The following CDH10 variants were observed in gnomAD, a reference collection of about 807,000 sequenced individuals.
CDH10 encodes the protein cadherin-10.
CDH10 carries 30 observed loss-of-function variants against 73.1 expected under a neutral mutation model. That is an observed-to-expected ratio of 0.41 (90% confidence interval 0.31 to 0.56). The LOEUF (loss-of-function observed/expected upper bound fraction) is 0.56. Ranked by LOEUF, CDH10 falls within the 20% of genes least tolerant of loss-of-function variation. The pLI is 0.27. For synonymous variants in CDH10, 345 were observed against 348.2 expected (o/e 0.99, Z 0.10); for missense variants, 815 against 973.7 (o/e 0.84, Z 2.17).
At chr5:24,613,739 T>C (rs1157627537) in intron 1 of CDH10, among the ~76,000 whole-genome samples, 2 of 152,094 alleles carry the variant, frequency 1.3e-5, no homozygotes, top group Non-Finnish European at 2.9e-5. Flanking sequence ...CATGAACATA[T>C]ATTCTGTGGT....
rs561560825 is a variant in CDH10, at chr5:24,610,904, T to C, written c.-123-17291A>G. ...TCACTGAAGGCTACAAGGTACAATA[T>C]GTAGTGAGGCTCAGCAATCAGTATT... is the stretch of plus-strand genomic sequence containing the variant. On this transcript the variant is annotated intron_variant, in intron 1 of 11. Coordinates refer to ENST00000264463, the MANE Select transcript of CDH10 (RefSeq NM_006727.5). Among the ~76,000 whole-genome samples the C allele has an allele frequency of 1.4e-4, 21 of 152,284 alleles. No individual in the cohort carries two copies. The South Asian group carries it at 4.4e-3, about 32-fold the overall frequency.
At chr5:24,544,944 G>A (rs1458898186) in intron 2 of CDH10, among the ~76,000 whole-genome samples, 5 of 152,000 alleles carry the variant, frequency 3.3e-5, no homozygotes, top group African/African-American at 1.2e-4. Context: ...TACTTCCAAG[G>A]CCAGAAATTT....
intron 2 of CDH10, among the ~76,000 whole-genome samples, chr5:24,559,101 G>A (rs1744867885): frequency 7.1e-6 from 1 of 140,130 alleles, no homozygotes; most frequent in Non-Finnish European, 1.5e-5. Context: ...ATAGACATTG[G>A]ATCCCTTATT....
At chr5:24,643,632 G>A (rs1403681000) in intron 1 of CDH10, among the ~76,000 whole-genome samples, 1 of 152,076 alleles carries the variant, frequency 6.6e-6, no homozygotes, top group Non-Finnish European at 1.5e-5. Context: ...ATGAAGGAAT[G>A]AAGGACCACA....
chr5:24,557,331 T>A (rs1304619657), intron 2 of CDH10, among the ~76,000 whole-genome samples: 2 of 151,698 alleles, frequency 1.3e-5, no homozygotes, highest in African/African-American at 2.4e-5. Context: ...AAAGGTGTGA[T>A]TTTTTTCTTT....
intron 2 of CDH10, among the ~76,000 whole-genome samples, chr5:24,549,550 A>T (rs1291252482): frequency 1.1e-5 from 1 of 88,402 alleles, no homozygotes; most frequent in Non-Finnish European, 2.6e-5. Context: ...CAATGGAATG[A>T]CTTTTTTTTT....
intron 2 of CDH10, among the ~76,000 whole-genome samples, chr5:24,564,249 T>C (rs1236898424): frequency 1.3e-5 from 2 of 152,232 alleles, no homozygotes; most frequent in Non-Finnish European, 2.9e-5. Flanking sequence ...TTTGTTGTTG[T>C]TGAGATAGCT....
chr5:24,577,286 A>G (rs1388103080), intron 2 of CDH10, among the ~76,000 whole-genome samples: 1 of 152,140 alleles, frequency 6.6e-6, no homozygotes, highest in Non-Finnish European at 1.5e-5. Context: ...GTACTAAAGT[A>G]ACTGAAAATG....
chr5:24,593,687 G>T, intron 1 of CDH10, 74 bp from the exon 2 acceptor site: 3 of 522,022 alleles, frequency 5.7e-6, no homozygotes, highest in Non-Finnish European at 1.0e-5. Flanking sequence ...AAAATTTAAA[G>T]TGACAATAGT....
chr5:24,503,434 G>A (rs911685698), intron 8 of CDH10, among the ~76,000 whole-genome samples: 2 of 152,162 alleles, frequency 1.3e-5, no homozygotes, highest in Non-Finnish European at 1.5e-5. Context: ...TGTGACCCAA[G>A]CAGTTCCACA....
At chr5:24,521,422 C>A (rs1341595096) in intron 5 of CDH10, among the ~76,000 whole-genome samples, 1 of 152,034 alleles carries the variant, frequency 6.6e-6, no homozygotes, top group Middle Eastern at 3.2e-3. Flanking sequence ...TGCATGCTTG[C>A]ATGCCTGACT....
chr5:24,535,767 G>A lies in CDH10; in HGVS notation c.582C>T (p.Asn194=), dbSNP rs1019246472. 3.1e-6 allele frequency: 5 copies of A among 1,610,038 alleles called. No individual in the cohort carries two copies. The highest frequency in any genetic ancestry group is 2.5e-6 in the Non-Finnish European group (3 of 1,177,012). Residue 194 remains asparagine, a synonymous_variant, in exon 4 of 12, where the codon AAC becomes AAT. Transcript: ENST00000264463. ...GTATGCTGTAAATGACTCTGGCGCT[G>A]TTCCCATATGAAGGGTCATCGGCAT... ...ATDADDPSYG[N]SARVIYSILQ... is the part of the protein sequence containing the mutation.
chr5:24,568,330 C>T (rs928869403), intron 2 of CDH10, among the ~76,000 whole-genome samples: 2 of 151,834 alleles, frequency 1.3e-5, no homozygotes, highest in Non-Finnish European at 2.9e-5. Flanking sequence ...AAAAAAAGAT[C>T]AAAGAAATGT....
At chr5:24,642,377 G>C (rs1462610589) in intron 1 of CDH10, among the ~76,000 whole-genome samples, 2 of 152,104 alleles carry the variant, frequency 1.3e-5, no homozygotes, top group East Asian at 3.9e-4. Flanking sequence ...AAAAAATTAA[G>C]TAAAGGTCAA....
At chr5:24,567,774 A>C (rs1036533717) in intron 2 of CDH10, among the ~76,000 whole-genome samples, 2 of 152,106 alleles carry the variant, frequency 1.3e-5, no homozygotes, top group African/African-American at 4.8e-5. Flanking sequence ...GTACTTTGCT[A>C]TATGTAAATT....
chr5:24,572,392 G>C (rs1011197128), intron 2 of CDH10, among the ~76,000 whole-genome samples: 1 of 152,064 alleles, frequency 6.6e-6, no homozygotes. Context: ...GAAACCAAGA[G>C]ATAGCCGGAA....
At chr5:24,600,820 T>A (rs961782876) in intron 1 of CDH10, among the ~76,000 whole-genome samples, 4 of 152,092 alleles carry the variant, frequency 2.6e-5, no homozygotes, top group African/African-American at 9.7e-5. Flanking sequence ...TAAAATTATT[T>A]TGCATGACAC....
At chr5:24,491,867 G>A (rs1240199045) in intron 10 of CDH10, 40 bp from the exon 11 acceptor site, 1 of 1,401,234 alleles carries the variant, frequency 7.1e-7, no homozygotes, top group Non-Finnish European at 9.8e-7. Context: ...GTTTGGGATA[G>A]TAAATTTTTC....
intron 2 of CDH10, among the ~76,000 whole-genome samples, chr5:24,589,295 C>A (rs1257507593): frequency 2.0e-5 from 3 of 152,044 alleles, no homozygotes. Context: ...TGTTAGAAGT[C>A]TACACTGTGG....
Sources: gnomAD v4.1 joint callset for allele counts (sites outside exome capture counted in the v4.1 genomes callset) on GRCh38, gnomAD v4.1.1 for gene constraint, MANE v1.5 for transcripts, NCBI Gene and HGNC (gene_info 2026-07-23, HGNC 2026-07-21) for gene names.